NPAS3: variants seen among roughly 807,000 people sequenced by gnomAD.
NPAS3 encodes neuronal PAS domain protein 3, also known as neuronal PAS domain-containing protein 3.
Under a neutral mutation model 73.1 loss-of-function variants are expected in NPAS3, and 14 were observed. That is an observed-to-expected ratio of 0.19 (90% CI 0.13 to 0.30). The LOEUF (loss-of-function observed/expected upper bound fraction) is 0.30. NPAS3 is among the 10% of genes least tolerant of loss of function. NPAS3 has a pLI of 1.00. For missense variants in NPAS3, 1,096 were observed against 1,250.0 expected, an observed-to-expected ratio of 0.88 and a Z score of 1.86; for synonymous variants, 620 against 541.5, an observed-to-expected ratio of 1.14 and a Z score of -2.01.
intron 2 of NPAS3, among the ~76,000 whole-genome samples, chr14:33,133,915 C>T (rs2043734337): frequency 6.6e-6 from 1 of 152,038 alleles, no homozygotes; most frequent in Non-Finnish European, 1.5e-5. Flanking sequence ...ACAAGTTGTA[C>T]ATTAGGTGAA....
At chr14:33,547,067 G>A (rs1249574028) in intron 4 of NPAS3, among the ~76,000 whole-genome samples, 4 of 152,208 alleles carry the variant, frequency 2.6e-5, no homozygotes, top group Middle Eastern at 6.8e-3. Context: ...AGAGTAGAAG[G>A]CACATACAGA....
At chr14:33,558,752 T>C (rs910911561) in intron 4 of NPAS3, among the ~76,000 whole-genome samples, 1 of 152,066 alleles carries the variant, frequency 6.6e-6, no homozygotes, top group Non-Finnish European at 1.5e-5. Flanking sequence ...TACACGCTTC[T>C]TCCACCTTTC....
At chr14:33,278,230 G>A (rs2041426190) in intron 3 of NPAS3, among the ~76,000 whole-genome samples, 1 of 152,136 alleles carries the variant, frequency 6.6e-6, no homozygotes, top group Non-Finnish European at 1.5e-5. Flanking sequence ...TTAAGGAGAT[G>A]TCATGTCAAT....
chr14:33,016,370 A>G (rs564391975), intron 1 of NPAS3, among the ~76,000 whole-genome samples: 1 of 151,524 alleles, frequency 6.6e-6, no homozygotes, highest in Non-Finnish European at 1.5e-5. Context: ...ACTGTAAAAG[A>G]CTGCGTGGTA....
At chr14:33,087,142 AATATAGTATACAATATAATATTGTATAAT>A (rs201607915) in intron 2 of NPAS3, among the ~76,000 whole-genome samples, 10,651 of 93,380 alleles carry the variant, frequency 0.11, 565 homozygotes, top group African/African-American at 0.21. Flanking sequence ...ATTGTATAAT[AATATAGTATACAATATAATATTGTATAAT>A]ATATAGTATA....
intron 1 of NPAS3, among the ~76,000 whole-genome samples, chr14:32,980,598 G>A (rs891550821): frequency 1.2e-4 from 18 of 151,954 alleles, no homozygotes; most frequent in East Asian, 1.9e-4. Context: ...CTTCTTGGAC[G>A]CTACCATTTT....
At chr14:33,766,114 G>C (rs2062455345) in intron 7 of NPAS3, among the ~76,000 whole-genome samples, 1 of 152,164 alleles carries the variant, frequency 6.6e-6, no homozygotes, top group Non-Finnish European at 1.5e-5. Context: ...TTAATAATTT[G>C]GGTGTTGAAC....
At chr14:33,146,847 G>A (rs538378121) in intron 2 of NPAS3, among the ~76,000 whole-genome samples, 215 of 152,344 alleles carry the variant, frequency 1.4e-3, no homozygotes, top group Non-Finnish European at 2.4e-3. Context: ...GATCAGGGAA[G>A]ATTTTTAAGT....
intron 4 of NPAS3, among the ~76,000 whole-genome samples, chr14:33,395,936 G>T (rs923780482): frequency 6.6e-6 from 1 of 152,084 alleles, no homozygotes; most frequent in Non-Finnish European, 1.5e-5. Context: ...AAGGCCCAGC[G>T]GTTCCTTCCT....
intron 2 of NPAS3, among the ~76,000 whole-genome samples, chr14:33,197,922 A>C (rs764614675): frequency 2.0e-5 from 3 of 152,208 alleles, no homozygotes; most frequent in African/African-American, 7.2e-5. Context: ...TGGTGTGTCC[A>C]GACTTTGTTC....
At chr14:33,086,372 CTT>C (rs1215074177) in intron 2 of NPAS3, among the ~76,000 whole-genome samples, 1 of 151,976 alleles carries the variant, frequency 6.6e-6, no homozygotes, top group Non-Finnish European at 1.5e-5. Context: ...TAATTAAAAA[CTT>C]TTAAAAGTTT....
rs146595442 is a variant in NPAS3, at chr14:33,613,647, C to G, written c.558+53437C>G. ...GCCTCAGTGGCTTCCACTGCACCAG[C>G]CTTCTCCCTTTTAGCCATCAGGCCA... On this transcript the variant is annotated intron_variant, in intron 5 of 11. Coordinates refer to ENST00000356141, the Ensembl canonical transcript of NPAS3. Among the ~76,000 whole-genome samples the G allele has an allele frequency of 5.6e-4, 85 of 152,268 alleles. No homozygotes were observed. In the East Asian group the frequency reaches 9.3e-3, roughly 17 times the overall value.
At chr14:33,417,486 G>A (rs1487739777) in intron 4 of NPAS3, among the ~76,000 whole-genome samples, 1 of 152,036 alleles carries the variant, frequency 6.6e-6, no homozygotes, top group African/African-American at 2.4e-5. Context: ...TACGTTCTAA[G>A]TGGGAAAAAT....
At chr14:32,943,879 G>GCA (rs1238234952) in intron 1 of NPAS3, among the ~76,000 whole-genome samples, 1 of 151,894 alleles carries the variant, frequency 6.6e-6, no homozygotes, top group East Asian at 1.9e-4. Flanking sequence ...AGTAGAGATA[G>GCA]GGGTTTCACC....
intron 4 of NPAS3, among the ~76,000 whole-genome samples, chr14:33,372,895 T>A (rs1026340217): frequency 6.6e-6 from 1 of 152,214 alleles, no homozygotes; most frequent in Non-Finnish European, 1.5e-5. Flanking sequence ...GGAAAGTAGA[T>A]GTGATTAAGC....
upstream of NPAS3, among the ~76,000 whole-genome samples, chr14:32,936,865 T>G (rs2035710685): frequency 6.6e-6 from 1 of 151,840 alleles, no homozygotes; most frequent in South Asian, 2.1e-4. Context: ...TGCTTTCCAC[T>G]TTCAACTTTG....
At chr14:33,186,489 C>T (rs1465557842) in intron 2 of NPAS3, among the ~76,000 whole-genome samples, 1 of 152,154 alleles carries the variant, frequency 6.6e-6, no homozygotes, top group African/African-American at 2.4e-5. Context: ...CATTTCTGAG[C>T]TTTAGTTTGA....
intron 2 of NPAS3, among the ~76,000 whole-genome samples, chr14:33,162,921 CAG>C (rs769213591): frequency 2.8e-4 from 43 of 152,304 alleles, no homozygotes; most frequent in Non-Finnish European, 5.9e-4. Flanking sequence ...TTCTGTCACT[CAG>C]AACTGGCTGC....
At chr14:33,182,184 G>A (rs1435702506) in intron 2 of NPAS3, among the ~76,000 whole-genome samples, 1 of 152,130 alleles carries the variant, frequency 6.6e-6, no homozygotes, top group African/African-American at 2.4e-5. Flanking sequence ...AAAGAAGATG[G>A]CAATTGTGTG....
Sources: allele counts gnomAD v4.1 joint callset (sites outside exome capture counted in the v4.1 genomes callset), GRCh38; gene constraint gnomAD v4.1.1; transcripts MANE v1.5; gene names NCBI Gene and HGNC (gene_info 2026-07-23, HGNC 2026-07-21).